The following KIAA1328 variants were observed in gnomAD, a reference collection of about 807,000 sequenced individuals.
KIAA1328 encodes the protein KIAA1328, also known as protein hinderin.
A neutral mutation model predicts 68.1 loss-of-function variants in KIAA1328; 52 were observed. The ratio of observed to expected loss-of-function variants is 0.76; its 90% CI spans 0.61 to 0.96. The LOEUF (loss-of-function observed/expected upper bound fraction) is 0.96, where lower values mean the gene tolerates loss of function less well. Among genes scored for constraint, KIAA1328 ranks in the 40% least tolerant of loss-of-function variants. The probability of loss-of-function intolerance (pLI) is 0.00; values close to 1 mark genes in which losing one functional copy is unlikely to be tolerated. For missense variants in KIAA1328, 641 were observed against 677.6 expected (o/e 0.95, Z 0.60); for synonymous variants, 232 against 239.4 (o/e 0.97, Z 0.28).
intron 8 of KIAA1328, among the ~76,000 whole-genome samples, chr18:37,170,703 G>T (rs2059483379): frequency 6.6e-6 from 1 of 152,036 alleles, no homozygotes; most frequent in Admixed American, 6.6e-5. Flanking sequence ...TAGCATAATG[G>T]CCAAAGCTCT....
chr18:37,049,255 G>A (rs1184948262), intron 6 of KIAA1328, among the ~76,000 whole-genome samples: 2 of 152,178 alleles, frequency 1.3e-5, no homozygotes, highest in Non-Finnish European at 2.9e-5. Context: ...GGAATGAAAT[G>A]CTCTTGCGGT....
chr18:36,879,721 C>T (rs1171796299), intron 4 of KIAA1328, among the ~76,000 whole-genome samples: 1 of 152,174 alleles, frequency 6.6e-6, no homozygotes, highest in African/African-American at 2.4e-5. Context: ...CAGAGATGCC[C>T]TGCCCAGAGA....
chr18:37,020,150 G>A (rs1411003337), intron 6 of KIAA1328, among the ~76,000 whole-genome samples: 3 of 152,018 alleles, frequency 2.0e-5, no homozygotes, highest in African/African-American at 7.2e-5. Context: ...TGGAGACAGA[G>A]TCTCACCCTG....
chr18:37,013,029 C>T (rs576924917), intron 6 of KIAA1328, among the ~76,000 whole-genome samples: 6 of 152,196 alleles, frequency 3.9e-5, no homozygotes, highest in South Asian at 4.1e-4. Flanking sequence ...TTTCTGCTGA[C>T]GTTAGTAACT....
chr18:37,226,043 C>A (rs1249515616), downstream of KIAA1328, among the ~76,000 whole-genome samples: 1 of 152,122 alleles, frequency 6.6e-6, no homozygotes, highest in African/African-American at 2.4e-5. Context: ...AAAAAAATAC[C>A]CTGTGAATAG....
At chr18:36,848,899 C>A (rs1321655081) in intron 4 of KIAA1328, among the ~76,000 whole-genome samples, 2 of 151,488 alleles carry the variant, frequency 1.3e-5, no homozygotes, top group Non-Finnish European at 3.0e-5. Context: ...GTGTTCCTGG[C>A]TTAAGCCTCA....
At chr18:36,960,773 A>C (rs1407524181) in intron 6 of KIAA1328, among the ~76,000 whole-genome samples, 1 of 152,176 alleles carries the variant, frequency 6.6e-6, no homozygotes, top group Admixed American at 6.5e-5. Context: ...CATCAACATC[A>C]ACAAAAAGGA....
chr18:36,903,377 A>G (rs2049104905), intron 5 of KIAA1328, among the ~76,000 whole-genome samples: 1 of 152,144 alleles, frequency 6.6e-6, no homozygotes, highest in Non-Finnish European at 1.5e-5. Context: ...TGTATTTAAA[A>G]TAATTCTTGC....
intron 6 of KIAA1328, 69 bp from the exon 7 acceptor site, chr18:37,066,821 G>C (rs1167572465): frequency 7.1e-7 from 1 of 1,405,896 alleles, no homozygotes; most frequent in Admixed American, 2.8e-5. Context: ...ACTGATTTCT[G>C]AAAAACCAAA....
chr18:37,099,984 G>A (rs920048178), intron 7 of KIAA1328, among the ~76,000 whole-genome samples: 2 of 152,156 alleles, frequency 1.3e-5, no homozygotes, highest in Non-Finnish European at 2.9e-5. Context: ...CACGTGAGAT[G>A]GGTTTCCTGA....
At chr18:36,893,619 A>G (rs1013716199) in intron 5 of KIAA1328, among the ~76,000 whole-genome samples, 2 of 151,960 alleles carry the variant, frequency 1.3e-5, no homozygotes, top group African/African-American at 2.4e-5. Context: ...GCCACACCCA[A>G]TAGAACTTTT....
chr18:37,179,949 A>G (rs1487271856), intron 9 of KIAA1328, among the ~76,000 whole-genome samples: 1 of 151,944 alleles, frequency 6.6e-6, no homozygotes, highest in East Asian at 1.9e-4. Flanking sequence ...AACCATTCAA[A>G]TTGAAGAGAA....
chr18:37,154,532 T>G (rs924938713), intron 7 of KIAA1328, among the ~76,000 whole-genome samples: 5 of 152,184 alleles, frequency 3.3e-5, no homozygotes, highest in African/African-American at 1.2e-4. Flanking sequence ...ACGTCCCACT[T>G]AAAGTCACTT....
At chr18:36,833,915 T>C (rs918595469) in intron 1 of KIAA1328, among the ~76,000 whole-genome samples, 4 of 152,202 alleles carry the variant, frequency 2.6e-5, no homozygotes, top group Admixed American at 1.3e-4. Context: ...TTATTTACTC[T>C]TCAGAATTGT....
intron 5 of KIAA1328, among the ~76,000 whole-genome samples, chr18:36,893,443 G>GTGTGTGTGTGTGTGTGTGTTTT (rs1188956069): frequency 7.3e-6 from 1 of 137,864 alleles, no homozygotes; most frequent in Non-Finnish European, 1.6e-5. Flanking sequence ...ATTTGTGTGT[G>GTGTGTGTGTGTGTGTGTGTTTT]TGTGTGTGTG....
intron 5 of KIAA1328, among the ~76,000 whole-genome samples, chr18:36,906,330 A>T (rs530628762): frequency 6.6e-6 from 1 of 152,110 alleles, no homozygotes; most frequent in Admixed American, 6.6e-5. Context: ...AATATATTCT[A>T]TGCTTCACCT....
intron 9 of KIAA1328, among the ~76,000 whole-genome samples, chr18:37,181,546 A>G (rs1054024697): frequency 2.0e-5 from 3 of 152,198 alleles, no homozygotes; most frequent in Non-Finnish European, 4.4e-5. Context: ...CCTCTTATAC[A>G]CACTGGTTTA....
At chr18:36,931,032 C>A (rs1568178360) in intron 5 of KIAA1328, among the ~76,000 whole-genome samples, 1 of 152,022 alleles carries the variant, frequency 6.6e-6, no homozygotes, top group Non-Finnish European at 1.5e-5. Flanking sequence ...TATGTTATGT[C>A]ATTCAGTATA....
At position 37,224,158 on chromosome 18, in the gene KIAA1328, T is replaced by C; in HGVS notation, c.*1931T>C. On this transcript the variant is annotated 3_prime_UTR_variant, in exon 10 of 10. Coordinates refer to ENST00000280020, the MANE Select transcript of KIAA1328 (RefSeq NM_020776.3). ...CCCTGTGTCATGACTAGCTTAAGTG[T>C]ACTTGACTCCCATAGACTACTCCCA... The C allele has an allele frequency of 1.0e-6, 1 of 985,424 alleles. No homozygotes were observed. The highest frequency in any genetic ancestry group is 1.2e-6 in the Non-Finnish European group (1 of 829,932). The allele number at this position is 985,424 out of a possible 1,614,324, so 61.0% of individuals were successfully genotyped here. A position where few individuals can be genotyped will look rare whatever the true frequency, so the allele number is the denominator to read the frequency against.
Sources: gnomAD v4.1 joint callset for allele counts (sites outside exome capture counted in the v4.1 genomes callset) on GRCh38, gnomAD v4.1.1 for gene constraint, MANE v1.5 for transcripts, NCBI Gene and HGNC (gene_info 2026-07-23, HGNC 2026-07-21) for gene names.